Variants in RAPGEF2 observed in about 807,000 individuals in gnomAD.
The protein encoded by RAPGEF2 is Rap guanine nucleotide exchange factor 2.
In RAPGEF2, 54 loss-of-function variants were observed where a neutral mutation model predicts 186.7. The observed-to-expected ratio is 0.29, with a 90% CI of 0.23 to 0.36. RAPGEF2 has a LOEUF of 0.36. Ranked by LOEUF, RAPGEF2 falls within the 10% of genes least tolerant of loss-of-function variation. The pLI is 1.00. For missense variants in RAPGEF2, 1,532 were observed against 2,045.0 expected (o/e 0.75, Z 4.84); for synonymous variants, 712 against 705.9 (o/e 1.01, Z -0.14).
intron 4 of RAPGEF2, among the ~76,000 whole-genome samples, chr4:159,223,327 C>G (rs1420919767): frequency 6.6e-6 from 1 of 152,074 alleles, no homozygotes; most frequent in African/African-American, 2.4e-5. Context: ...CTTAGTTATA[C>G]TTCTATCTAC....
At chr4:159,313,220 G>C (rs1764160992) in intron 8 of RAPGEF2, among the ~76,000 whole-genome samples, 1 of 152,262 alleles carries the variant, frequency 6.6e-6, no homozygotes, top group Non-Finnish European at 1.5e-5. Context: ...TATAGGAAAA[G>C]GATAGATCCT....
At chr4:159,256,778 G>C (rs1016688648) in intron 7 of RAPGEF2, among the ~76,000 whole-genome samples, 2 of 152,090 alleles carry the variant, frequency 1.3e-5, no homozygotes, top group African/African-American at 4.8e-5. Context: ...GTTTTGATTT[G>C]AATTTCTCTA....
intron 8 of RAPGEF2, among the ~76,000 whole-genome samples, chr4:159,309,622 G>T (rs935512920): frequency 1.3e-5 from 2 of 152,186 alleles, no homozygotes; most frequent in African/African-American, 4.8e-5. Context: ...GGGGCAGGTT[G>T]AAAGAATAGA....
chr4:159,206,773 A>G (rs1246392458), intron 3 of RAPGEF2, among the ~76,000 whole-genome samples: 1 of 152,236 alleles, frequency 6.6e-6, no homozygotes, highest in Non-Finnish European at 1.5e-5. Context: ...AAGACTAAAT[A>G]AAACATATTT....
chr4:159,199,184 A>G (rs973015461), intron 3 of RAPGEF2, among the ~76,000 whole-genome samples: 7 of 152,192 alleles, frequency 4.6e-5, no homozygotes, highest in African/African-American at 1.7e-4. Context: ...CCTGTATGTA[A>G]GTATGAGAAT....
chr4:159,112,281 G>A (rs771894631), intron 1 of RAPGEF2, among the ~76,000 whole-genome samples: 15 of 152,248 alleles, frequency 9.9e-5, no homozygotes, highest in East Asian at 9.6e-4. Flanking sequence ...GTGATAATGC[G>A]TATAAATATA....
intron 3 of RAPGEF2, among the ~76,000 whole-genome samples, chr4:159,206,243 T>G (rs946077871): frequency 2.0e-5 from 3 of 152,230 alleles, no homozygotes; most frequent in Non-Finnish European, 4.4e-5. Flanking sequence ...CAGGATCTTT[T>G]AACACAAAGC....
At chr4:159,188,309 A>C (rs1747756691) in intron 2 of RAPGEF2, among the ~76,000 whole-genome samples, 1 of 152,200 alleles carries the variant, frequency 6.6e-6, no homozygotes, top group Admixed American at 6.5e-5. Flanking sequence ...TATTTAGATA[A>C]TAGGAATTCT....
chr4:159,238,819 C>T lies in RAPGEF2; in HGVS notation c.292C>T (p.Arg98Cys), dbSNP rs535527996. The change falls in exon 5 of 30, where the codon CGT becomes TGT. Residue 98 changes from arginine (R) to cysteine (C), a missense_variant. Around this residue, in one of 4 missense-constraint regions of RAPGEF2, gnomAD observed 810 missense variants for 1,210.5 expected, o/e 0.67. Coordinates refer to ENST00000691494, the MANE Select transcript of RAPGEF2 (RefSeq NM_001394067.2). The part of the protein sequence containing the change: ...MFLPRSSFGK[R>C]SAGSFRRGCE... ...TTTCTTTCTTTCTAGTTTTGGCAAG[C>T]GTTCTGCAGGAAGTTTTAGGCGTGG... The T allele has an allele frequency of 1.3e-6, 2 of 1,519,916 alleles. No individual in the cohort carries two copies. Among genetic ancestry groups the T allele is most frequent in the Non-Finnish European group, 1.8e-6 (2 of 1,141,776 alleles). The allele number at this position is 1,519,916 out of a possible 1,614,324, so 94.2% of individuals were successfully genotyped here.
chr4:159,330,388 C>A lies in RAPGEF2; in HGVS notation c.1357C>A (p.Pro453Thr). Residue 453 changes from proline (P) to threonine (T), a missense_variant, in exon 13 of 30, where the codon CCA becomes ACA. Physicochemically the swap from Pro to Thr is conservative, Grantham distance 38. Transcript: ENST00000691494. ...HLVEEHSVVD[P>T]TFIEDFLLTY... is the part of the protein sequence containing the mutation. ...GGTGGAAGAGCATTCAGTAGTAGAT[C>A]CAACATTCATAGAAGACTTTCTGTT... 2 of 1,602,096 alleles carry A rather than the reference C, an allele frequency of 1.2e-6. No individual in the cohort carries two copies. The highest frequency in any genetic ancestry group is 1.7e-6 in the Non-Finnish European group (2 of 1,176,822).
intron 9 of RAPGEF2, among the ~76,000 whole-genome samples, chr4:159,315,299 T>A (rs1237816283): frequency 6.9e-6 from 1 of 145,526 alleles, no homozygotes; most frequent in Non-Finnish European, 1.5e-5. Flanking sequence ...GTTTTTGTCC[T>A]TTTTTTTTTT....
chr4:159,150,768 T>G, intron 1 of RAPGEF2, among the ~76,000 whole-genome samples: 1 of 152,212 alleles, frequency 6.6e-6, no homozygotes. Context: ...AGTAGGCAAA[T>G]TCACGAATAC....
At chr4:159,352,489 C>T (rs575183735) in intron 26 of RAPGEF2, 196 bp from the exon 27 acceptor site, 151 of 537,198 alleles carry the variant, frequency 2.8e-4, no homozygotes, top group Non-Finnish European at 4.4e-4. Flanking sequence ...CTCTAAACTT[C>T]GATTAAACAA....
At chr4:159,170,866 T>A (rs1460405050) in intron 1 of RAPGEF2, among the ~76,000 whole-genome samples, 1 of 152,208 alleles carries the variant, frequency 6.6e-6, no homozygotes, top group East Asian at 1.9e-4. Context: ...ATTTTGAGTT[T>A]ATTTTGTGTA....
intron 1 of RAPGEF2, among the ~76,000 whole-genome samples, chr4:159,131,519 ATTTTTTTTTTT>A (rs35670450): frequency 2.7e-5 from 1 of 37,210 alleles, no homozygotes; most frequent in Non-Finnish European, 5.0e-5. Flanking sequence ...ATTAATTGCT[ATTTTTTTTTTT>A]TTTTTTTTTT....
chr4:159,253,267 A>G lies in RAPGEF2; in HGVS notation c.543+9476A>G, dbSNP rs113530377. ...GAGGAATTTAAAACCATGTTAGTGT[A>G]ACTTGCCTTACTCTCTTTTATTAAA... On this transcript the variant is annotated intron_variant, in intron 7 of 29. Transcript: ENST00000691494. Among the ~76,000 whole-genome samples, 502 of 152,364 alleles carry G rather than the reference A, an allele frequency of 3.3e-3. 2 individuals are homozygous for G. The highest frequency in any genetic ancestry group is 0.011 in the African/African-American group (453 of 41,590).
chr4:159,285,474 A>C (rs966318659), intron 7 of RAPGEF2, among the ~76,000 whole-genome samples: 1 of 152,234 alleles, frequency 6.6e-6, no homozygotes, highest in Non-Finnish European at 1.5e-5. Flanking sequence ...CATTAATTCA[A>C]ATGACAAATA....
chr4:159,339,110 C>T lies in RAPGEF2; in HGVS notation c.2294-4C>T. 1 of 1,610,300 alleles carries T rather than the reference C, an allele frequency of 6.2e-7. No individual in the cohort carries two copies. Among genetic ancestry groups the T allele is most frequent in the Admixed American group, 1.7e-5 (1 of 59,880 alleles). On this transcript the variant is annotated splice_region_variant and splice_polypyrimidine_tract_variant and intron_variant, in intron 18 of 29. Transcript: ENST00000691494. ...CTTATGTGTGTGATTTTTCTTTCCCCCAGACTTGCCAGATCAAGTGCTAAG... is the reference window on the plus strand; with the variant it reads ...CTTATGTGTGTGATTTTTCTTTCCCTCAGACTTGCCAGATCAAGTGCTAAG...
chr4:159,284,664 C>T (rs986350231), intron 7 of RAPGEF2, among the ~76,000 whole-genome samples: 1 of 152,146 alleles, frequency 6.6e-6, no homozygotes, highest in Non-Finnish European at 1.5e-5. Context: ...TGGTTCAGTT[C>T]ACTTCAAAAT....
Sources: gnomAD v4.1 joint callset for allele counts (sites outside exome capture counted in the v4.1 genomes callset) on GRCh38, gnomAD v4.1.1 for gene constraint, gnomAD v4.1.1 regional missense constraint, MANE v1.5 for transcripts, NCBI Gene and HGNC (gene_info 2026-07-23, HGNC 2026-07-21) for gene names.